The following PTPRD variants were observed in gnomAD, a reference collection of about 807,000 sequenced individuals.
The protein encoded by PTPRD is receptor-type tyrosine-protein phosphatase delta.
A neutral mutation model predicts 214.5 loss-of-function variants in PTPRD; 34 were observed. The ratio of observed to expected loss-of-function variants is 0.16; its 90% CI spans 0.12 to 0.21. The LOEUF is 0.21. Among genes scored for constraint, PTPRD ranks in the 10% least tolerant of loss-of-function variants. The pLI is 1.00. For synonymous variants in PTPRD, 1,128 were observed against 845.7 expected (o/e 1.33, Z -5.79); for missense variants, 2,545 against 2,398.7 (o/e 1.06, Z -1.27).
chr9:10,174,303 C>A (rs2154300128), intron 3 of PTPRD, among the ~76,000 whole-genome samples: 1 of 152,166 alleles, frequency 6.6e-6, no homozygotes, highest in African/African-American at 2.4e-5. Context: ...CCAATTAATT[C>A]CAGTGATAGC....
At chr9:9,488,885 T>A (rs1307629554) in intron 8 of PTPRD, among the ~76,000 whole-genome samples, 2 of 152,104 alleles carry the variant, frequency 1.3e-5, no homozygotes, top group East Asian at 1.9e-4. Flanking sequence ...AGAGTCAGGA[T>A]GGGCAAAAAG....
chr9:9,745,852 C>T (rs1251387696), intron 6 of PTPRD, among the ~76,000 whole-genome samples: 2 of 152,112 alleles, frequency 1.3e-5, no homozygotes, highest in Admixed American at 6.6e-5. Flanking sequence ...GCTAGAATAG[C>T]TCTCCCAGTT....
intron 5 of PTPRD, among the ~76,000 whole-genome samples, chr9:9,916,870 T>C (rs1429885927): frequency 6.6e-6 from 1 of 151,898 alleles, no homozygotes; most frequent in Non-Finnish European, 1.5e-5. Flanking sequence ...TCATATCAAG[T>C]ATCCCATTGA....
intron 5 of PTPRD, among the ~76,000 whole-genome samples, chr9:9,921,486 G>T (rs1245479392): frequency 6.6e-6 from 1 of 151,602 alleles, no homozygotes; most frequent in Non-Finnish European, 1.5e-5. Flanking sequence ...AAATATCTTA[G>T]AATGATTTTT....
chr9:9,315,954 T>C (rs193138770), intron 9 of PTPRD, among the ~76,000 whole-genome samples: 15 of 151,222 alleles, frequency 9.9e-5, no homozygotes, highest in African/African-American at 3.6e-4. Flanking sequence ...AATTGACATA[T>C]ATCTGTGCCC....
intron 6 of PTPRD, among the ~76,000 whole-genome samples, chr9:9,743,765 CACACAA>C (rs1437613020): frequency 2.7e-4 from 40 of 147,098 alleles, no homozygotes; most frequent in African/African-American, 9.7e-4. Flanking sequence ...CACACACACA[CACACAA>C]TTTATACTGA....
intron 4 of PTPRD, among the ~76,000 whole-genome samples, chr9:9,992,294 AG>A (rs1330484775): frequency 2.0e-5 from 3 of 152,234 alleles, no homozygotes; most frequent in African/African-American, 7.2e-5. Flanking sequence ...GAAAATAAAA[AG>A]TTATAATAAT....
chr9:8,929,301 T>A (rs2098927821), intron 11 of PTPRD, among the ~76,000 whole-genome samples: 1 of 152,156 alleles, frequency 6.6e-6, no homozygotes, highest in Non-Finnish European at 1.5e-5. Context: ...CTTTGGCCGA[T>A]TCAGTATGAT....
intron 3 of PTPRD, among the ~76,000 whole-genome samples, chr9:10,253,442 T>C (rs2092968727): frequency 6.6e-6 from 1 of 152,256 alleles, no homozygotes; most frequent in South Asian, 2.1e-4. Flanking sequence ...GAAACTTTGA[T>C]GGTAAACATC....
intron 2 of PTPRD, among the ~76,000 whole-genome samples, chr9:10,358,803 C>A (rs2097325040): frequency 6.6e-6 from 1 of 151,766 alleles, no homozygotes; most frequent in African/African-American, 2.4e-5. Context: ...AAAATAAGTC[C>A]ACTAAAATCA....
intron 5 of PTPRD, among the ~76,000 whole-genome samples, chr9:9,825,215 G>A (rs754803599): frequency 6.6e-5 from 10 of 151,562 alleles, no homozygotes; most frequent in African/African-American, 1.9e-4. Context: ...CAGAATAAAT[G>A]CTTGATTTTA....
chr9:10,366,061 T>A (rs1050975207), intron 2 of PTPRD, among the ~76,000 whole-genome samples: 1 of 152,192 alleles, frequency 6.6e-6, no homozygotes, highest in Non-Finnish European at 1.5e-5. Context: ...GATTTCATTA[T>A]CAGGAATGTG....
Position 8,724,117 on chromosome 9 carries a change from G to T in PTPRD, c.64+9663C>A, listed in dbSNP as rs147056316. Among the ~76,000 whole-genome samples, 1,069 of 152,184 alleles carry T rather than the reference G, an allele frequency of 7.0e-3. 16 individuals are homozygous for T. The highest frequency in any genetic ancestry group is 0.024 in the African/African-American group (1,015 of 41,522). Reference sequence around the variant, plus strand: ...CATTTTTAACAGATATTAACAAAAAGATAAGTTTAGATAAAACTATCTGAA... The same window carrying T: ...CATTTTTAACAGATATTAACAAAAATATAAGTTTAGATAAAACTATCTGAA... On this transcript the variant is annotated intron_variant, in intron 12 of 45. Coordinates refer to ENST00000381196, the MANE Select transcript of PTPRD (RefSeq NM_002839.4).
chr9:9,885,520 C>T (rs913251442), intron 5 of PTPRD, among the ~76,000 whole-genome samples: 9 of 151,942 alleles, frequency 5.9e-5, no homozygotes, highest in African/African-American at 1.9e-4. Context: ...ACATGGCAAA[C>T]GGACTTTGCA....
At chr9:8,627,259 G>A (rs1472349443) in intron 14 of PTPRD, among the ~76,000 whole-genome samples, 2 of 151,702 alleles carry the variant, frequency 1.3e-5, no homozygotes, top group Non-Finnish European at 2.9e-5. Context: ...AAATCTGAAG[G>A]GCTGAAACTC....
At chr9:8,562,162 C>T (rs1179859709) in intron 14 of PTPRD, among the ~76,000 whole-genome samples, 1 of 152,074 alleles carries the variant, frequency 6.6e-6, no homozygotes. Flanking sequence ...TTTTGATTAA[C>T]AGAATTTCCT....
intron 12 of PTPRD, among the ~76,000 whole-genome samples, chr9:8,711,880 G>A (rs1378298640): frequency 1.3e-5 from 2 of 152,178 alleles, no homozygotes; most frequent in African/African-American, 4.8e-5. Flanking sequence ...CGCAAGCAAT[G>A]ATCTATTGAT....
intron 14 of PTPRD, among the ~76,000 whole-genome samples, chr9:8,603,070 A>G (rs2094964609): frequency 6.6e-6 from 1 of 152,192 alleles, no homozygotes; most frequent in Non-Finnish European, 1.5e-5. Flanking sequence ...AGAGGTTCTT[A>G]ATCATAAGTA....
At chr9:8,919,511 T>C (rs1036225962) in intron 11 of PTPRD, among the ~76,000 whole-genome samples, 1 of 152,162 alleles carries the variant, frequency 6.6e-6, no homozygotes, top group Admixed American at 6.5e-5. Flanking sequence ...ATTATTATAG[T>C]TTTCATTCTA....
Sources: gnomAD v4.1 joint callset for allele counts (sites outside exome capture counted in the v4.1 genomes callset) on GRCh38, gnomAD v4.1.1 for gene constraint, MANE v1.5 for transcripts, NCBI Gene and HGNC (gene_info 2026-07-23, HGNC 2026-07-21) for gene names.